AFG2B: variants seen among roughly 807,000 people sequenced by gnomAD.
The protein encoded by AFG2B is ATPase family gene 2 protein homolog B.
At chr15:45,410,110 C>G in the AFG2B span, among the ~76,000 whole-genome samples, 1 of 152,104 alleles carries the variant, frequency 6.6e-6, no homozygotes, top group East Asian at 1.9e-4. Context: ...ATTTGTGTAT[C>G]TGTTTAAAAG....
chr15:45,415,884 A>G, the AFG2B span: 15 of 1,055,490 alleles, frequency 1.4e-5, no homozygotes, highest in African/African-American at 1.6e-4. Flanking sequence ...AGCTTTACCT[A>G]TGCTGAATTC....
chr15:45,404,767 C>T, the AFG2B span, among the ~76,000 whole-genome samples: 1 of 146,138 alleles, frequency 6.8e-6, no homozygotes, highest in East Asian at 2.0e-4. Flanking sequence ...AGATGGTGCC[C>T]GCTGCACTCC....
At chr15:45,412,416 T>C in the AFG2B span, among the ~76,000 whole-genome samples, 1 of 151,934 alleles carries the variant, frequency 6.6e-6, no homozygotes, top group Non-Finnish European at 1.5e-5. Flanking sequence ...AAAAAAATTA[T>C]AATCTAAAAC....
the AFG2B span, among the ~76,000 whole-genome samples, chr15:45,418,217 G>A: frequency 1.9e-4 from 29 of 151,734 alleles, no homozygotes; most frequent in African/African-American, 5.3e-4. Flanking sequence ...GGTGGCAGGC[G>A]CCTGTAATCC....
At chr15:45,402,819 G>T in the AFG2B span, 1 of 1,597,062 alleles carries the variant, frequency 6.3e-7, no homozygotes, top group Middle Eastern at 1.7e-4. Context: ...ATACAGCCGC[G>T]GTGCTGGAGG....
the AFG2B span, among the ~76,000 whole-genome samples, chr15:45,416,327 A>G: frequency 1.3e-5 from 2 of 152,210 alleles, no homozygotes; most frequent in African/African-American, 4.8e-5. Context: ...GTAATGGAAC[A>G]TTTCCAGTTT....
chr15:45,414,400 G>C, the AFG2B span, among the ~76,000 whole-genome samples: 1 of 152,222 alleles, frequency 6.6e-6, no homozygotes. Flanking sequence ...ATTTTAAACA[G>C]GAAGTGGTAT....
chr15:45,402,966 C>G, the AFG2B span: 8 of 1,595,136 alleles, frequency 5.0e-6, no homozygotes, highest in Non-Finnish European at 6.8e-6. Context: ...GGCTGGTCAC[C>G]CCTCGTACCC....
At chr15:45,402,578 C>T in the AFG2B span, 2 of 1,572,786 alleles carry the variant, frequency 1.3e-6, no homozygotes, top group South Asian at 1.1e-5. Context: ...GTGAAGATCT[C>T]GCTACCCGAC....
At chr15:45,413,609 T>G in the AFG2B span, among the ~76,000 whole-genome samples, 1 of 152,228 alleles carries the variant, frequency 6.6e-6, no homozygotes, top group Non-Finnish European at 1.5e-5. Context: ...TTATTATTTT[T>G]GTAGGCTGAA....
At chr15:45,421,099 G>A in the AFG2B span, 11 of 1,613,386 alleles carry the variant, frequency 6.8e-6, no homozygotes, top group East Asian at 1.6e-4. Context: ...TGAAACAAGA[G>A]CACTTTCTAA....
At chr15:45,420,001 A>ACCCCC in the AFG2B span, among the ~76,000 whole-genome samples, 205 of 84,206 alleles carry the variant, frequency 2.4e-3, 16 homozygotes, top group East Asian at 0.012. Context: ...CCCCCCCAAA[A>ACCCCC]AAAAAAAAAA....
chr15:45,412,431 G>GTCAACAGATTTCTGTAGAGAGAGCCACA, the AFG2B span, among the ~76,000 whole-genome samples: 66 of 152,182 alleles, frequency 4.3e-4, no homozygotes, highest in Non-Finnish European at 5.3e-4. Context: ...TAAAACGGGG[G>GTCAACAGATTTCTGTAGAGAGAGCCACA]TCAACAGATT....
At chr15:45,403,029 G>A in the AFG2B span, 1 of 1,576,796 alleles carries the variant, frequency 6.3e-7, no homozygotes, top group Non-Finnish European at 8.6e-7. Flanking sequence ...AGCCCGAGGT[G>A]CCCCTGGGAG....
the AFG2B span, chr15:45,416,044 G>T: frequency 1.7e-5 from 5 of 298,850 alleles, no homozygotes; most frequent in Non-Finnish European, 1.2e-5. Context: ...TCCTAAGAAT[G>T]AGAAATATAA....
the AFG2B span, among the ~76,000 whole-genome samples, chr15:45,409,704 A>AT: frequency 2.0e-5 from 3 of 151,670 alleles, no homozygotes; most frequent in African/African-American, 7.3e-5. Flanking sequence ...CTACAAAAAA[A>AT]AAATATATAT....
the AFG2B span, among the ~76,000 whole-genome samples, chr15:45,419,035 G>A: frequency 6.6e-6 from 1 of 152,196 alleles, no homozygotes; most frequent in Non-Finnish European, 1.5e-5. Context: ...TCGGGAGTTA[G>A]CCAGCTAAGA....
chr15:45,410,381 A>T, the AFG2B span: 1 of 1,613,388 alleles, frequency 6.2e-7, no homozygotes, highest in Admixed American at 1.7e-5. Flanking sequence ...GAACCAGGAC[A>T]ATCCTGTGAT....
chr15:45,412,577 G>C, the AFG2B span, among the ~76,000 whole-genome samples: 1 of 152,052 alleles, frequency 6.6e-6, no homozygotes, highest in African/African-American at 2.4e-5. Context: ...TCTGATAAAA[G>C]TATAGACACT....
Sources: gnomAD v4.1 joint callset for allele counts (sites outside exome capture counted in the v4.1 genomes callset) on GRCh38, gnomAD v4.1.1 for gene constraint, MANE v1.5 for transcripts, NCBI Gene and HGNC (gene_info 2026-07-23, HGNC 2026-07-21) for gene names.